The following PTGES3 variants were observed in gnomAD, a reference collection of about 807,000 sequenced individuals.
The protein encoded by PTGES3 is Hsp90 co-chaperone.
Under a neutral mutation model 29.9 loss-of-function variants are expected in PTGES3, and 5 were observed. The ratio of observed to expected loss-of-function variants is 0.17; its 90% CI spans 0.09 to 0.35. PTGES3 has a LOEUF of 0.35. Among genes scored for constraint, PTGES3 ranks in the 10% least tolerant of loss-of-function variants. The pLI, the probability that PTGES3 is intolerant of heterozygous loss-of-function variation, is 1.00. For synonymous variants in PTGES3, 49 were observed against 57.8 expected (o/e 0.85, Z 0.69); for missense variants, 128 against 190.0 (o/e 0.67, Z 1.92).
At chr12:56,669,969 T>TAAAAAAAAAAAA (rs5798391) in intron 5 of PTGES3, among the ~76,000 whole-genome samples, 1 of 133,474 alleles carries the variant, frequency 7.5e-6, no homozygotes, top group Non-Finnish European at 1.6e-5. Context: ...AATCATGCTT[T>TAAAAAAAAAAAA]AAAAAAAAAA....
At chr12:56,681,007 G>A (rs1358671863) in intron 1 of PTGES3, among the ~76,000 whole-genome samples, 3 of 151,850 alleles carry the variant, frequency 2.0e-5, no homozygotes, top group Admixed American at 2.0e-4. Context: ...TCTGAACTCA[G>A]GTGATGCATC....
intron 7 of PTGES3, 51 bp downstream of exon 7, chr12:56,664,725 T>C (rs1033824701): frequency 1.9e-6 from 3 of 1,555,302 alleles, no homozygotes; most frequent in African/African-American, 1.4e-5. Context: ...TTTGAGTTTG[T>C]TTTTTGATGC....
chr12:56,673,570 G>A (rs535815371), intron 1 of PTGES3, among the ~76,000 whole-genome samples: 1 of 150,782 alleles, frequency 6.6e-6, no homozygotes, highest in South Asian at 2.1e-4. Flanking sequence ...GAGGTGGGTG[G>A]ATCACCTAAG....
rs1366296814 is a variant in PTGES3, at chr12:56,664,777, T to G, written c.462A>C (p.Glu154Asp). ...AACATACTTTTTATATACACTTACT[T>G]TCATCATCACTGTCTTGTGAATCCT... ...ADDDSQDSDDEKMPDLE is the reference protein window; with the variant it reads ...ADDDSQDSDDDKMPDLE Residue 154 changes from glutamate to aspartate, a missense_variant and splice_region_variant, in exon 7 of 8, where the codon GAA (glutamate) becomes GAC (aspartate). Physicochemically the swap from Glu to Asp is conservative, Grantham distance 45 (BLOSUM62 2). Coordinates refer to ENST00000262033, the MANE Select transcript of PTGES3 (RefSeq NM_006601.7). 4.4e-6 allele frequency: 7 copies of G among 1,595,972 alleles called. No individual in the cohort carries two copies. The highest frequency in any genetic ancestry group is 5.1e-6 in the Non-Finnish European group (6 of 1,167,372).
At chr12:56,674,768 G>C (rs1952148384) in intron 1 of PTGES3, among the ~76,000 whole-genome samples, 1 of 136,240 alleles carries the variant, frequency 7.3e-6, no homozygotes, top group African/African-American at 2.8e-5. Context: ...GGAGCTTGCA[G>C]TGAGCTGAGA....
At chr12:56,675,267 T>A (rs1000257448) in intron 1 of PTGES3, among the ~76,000 whole-genome samples, 1 of 151,006 alleles carries the variant, frequency 6.6e-6, no homozygotes, top group Non-Finnish European at 1.5e-5. Context: ...GCCACTGCAC[T>A]CTAGTCTGGG....
intron 1 of PTGES3, among the ~76,000 whole-genome samples, chr12:56,679,863 C>A (rs188960200): frequency 5.3e-5 from 8 of 151,900 alleles, no homozygotes; most frequent in Admixed American, 5.3e-4. Flanking sequence ...TTAGTAGAGA[C>A]GAGGTGTCAT....
At chr12:56,679,645 A>G (rs1432128619) in intron 1 of PTGES3, among the ~76,000 whole-genome samples, 1 of 152,092 alleles carries the variant, frequency 6.6e-6, no homozygotes, top group Non-Finnish European at 1.5e-5. Flanking sequence ...GTTAAAGCTA[A>G]ACTCAGCCCC....
intron 1 of PTGES3, among the ~76,000 whole-genome samples, chr12:56,675,521 C>CAA (rs58270146): frequency 1.6e-4 from 15 of 92,016 alleles, no homozygotes; most frequent in East Asian, 9.6e-4. Flanking sequence ...AGAATGAGAC[C>CAA]AAAAAAAAAA....
intron 1 of PTGES3, among the ~76,000 whole-genome samples, chr12:56,684,610 A>G (rs1952737069): frequency 6.6e-6 from 1 of 152,234 alleles, no homozygotes; most frequent in Non-Finnish European, 1.5e-5. Flanking sequence ...ATTAGACAGG[A>G]AAAACAACAA....
intron 1 of PTGES3, among the ~76,000 whole-genome samples, chr12:56,683,384 A>T (rs1456900935): frequency 6.8e-6 from 1 of 146,102 alleles, no homozygotes; most frequent in African/African-American, 2.6e-5. Context: ...GAGGCAGGAG[A>T]ATTGCTTGAA....
intron 1 of PTGES3, chr12:56,687,391 G>A: frequency 3.0e-6 from 3 of 987,676 alleles, no homozygotes; most frequent in Non-Finnish European, 3.6e-6. Context: ...CAAGAGACTG[G>A]AGTTAGGAGG....
chr12:56,676,339 T>C (rs1038282905), intron 1 of PTGES3, among the ~76,000 whole-genome samples: 2 of 152,146 alleles, frequency 1.3e-5, no homozygotes, highest in Admixed American at 1.3e-4. Context: ...AGCGGTCCTT[T>C]TATTGCAAAG....
chr12:56,674,777 G>C (rs1446663332), intron 1 of PTGES3, among the ~76,000 whole-genome samples: 1 of 127,536 alleles, frequency 7.8e-6, no homozygotes, highest in Non-Finnish European at 1.6e-5. Context: ...AGTGAGCTGA[G>C]ATCAGGCCAC....
intron 1 of PTGES3, among the ~76,000 whole-genome samples, chr12:56,682,173 G>T (rs1008181666): frequency 6.6e-6 from 1 of 152,082 alleles, no homozygotes; most frequent in Admixed American, 6.5e-5. Flanking sequence ...AATGAAGTGT[G>T]GCTTCATGTG....
At chr12:56,683,355 C>T (rs187586846) in intron 1 of PTGES3, among the ~76,000 whole-genome samples, 11 of 151,264 alleles carry the variant, frequency 7.3e-5, no homozygotes, top group Non-Finnish European at 1.2e-4. Flanking sequence ...TGCCTGTGAT[C>T]GCAGCTACCC....
rs554760858 is a variant in PTGES3, at chr12:56,680,538, G to A, written c.2+7460C>T. On this transcript the variant is annotated intron_variant, in intron 1 of 7. Transcript: ENST00000262033. ...GTAGCTGGGGTTACAGGCATGTGCC[G>A]TCAGGCCTAGCAATTTTTTTTAAGT... 5.3e-5 allele frequency among the ~76,000 whole-genome samples: 8 copies of A among 151,968 alleles called. No homozygotes were observed. The East Asian group carries it at 7.8e-4, about 15-fold the overall frequency.
chr12:56,672,092 A>T (rs1322325154), intron 3 of PTGES3, among the ~76,000 whole-genome samples: 2 of 152,180 alleles, frequency 1.3e-5, no homozygotes, highest in East Asian at 1.9e-4. Context: ...AATAAAGTTT[A>T]AAGTTTAACC....
intron 1 of PTGES3, among the ~76,000 whole-genome samples, chr12:56,678,988 T>C (rs569368361): frequency 6.6e-6 from 1 of 152,170 alleles, no homozygotes; most frequent in East Asian, 1.9e-4. Context: ...TGGTGACACA[T>C]GCTTGTAGTC....
Sources: allele counts gnomAD v4.1 joint callset (sites outside exome capture counted in the v4.1 genomes callset), GRCh38; gene constraint gnomAD v4.1.1; transcripts MANE v1.5; gene names NCBI Gene and HGNC (gene_info 2026-07-23, HGNC 2026-07-21).